The following GTF2H1 variants were observed in gnomAD, a reference collection of about 807,000 sequenced individuals.
GTF2H1 encodes the protein general transcription factor IIH subunit 1, also known as BTF2 p62.
In GTF2H1, 16 loss-of-function variants were observed where a neutral mutation model predicts 71.2. The observed-to-expected ratio is 0.22, with a 90% CI of 0.15 to 0.34. The LOEUF (loss-of-function observed/expected upper bound fraction) is 0.34. Ranked by LOEUF, GTF2H1 falls within the 10% of genes least tolerant of loss-of-function variation. The probability of loss-of-function intolerance (pLI) is 1.00; values close to 1 mark genes in which losing one functional copy is unlikely to be tolerated. For missense variants in GTF2H1, 498 were observed against 648.2 expected, an observed-to-expected ratio of 0.77 and a Z score of 2.52; for synonymous variants, 215 against 219.0, an observed-to-expected ratio of 0.98 and a Z score of 0.16.
At chr11:18,351,394 G>C (rs986419073) in intron 9 of GTF2H1, among the ~76,000 whole-genome samples, 12 of 150,720 alleles carry the variant, frequency 8.0e-5, no homozygotes, top group African/African-American at 2.4e-5. Context: ...CGATTCTCCT[G>C]CCTCAGCCTC....
chr11:18,349,243 A>T (rs1216996271), intron 9 of GTF2H1, among the ~76,000 whole-genome samples: 2 of 152,252 alleles, frequency 1.3e-5, no homozygotes, highest in Non-Finnish European at 2.9e-5. Context: ...TATAAAATTA[A>T]TAAAGCCAGT....
At chr11:18,339,515 ATC>A (rs778230066) in intron 4 of GTF2H1, 47 bp from the exon 5 acceptor site, 1 of 1,319,326 alleles carries the variant, frequency 7.6e-7, no homozygotes, top group Non-Finnish European at 1.1e-6. Context: ...GACCTGAGCC[ATC>A]TTTCCCTGAT....
rs4150558 is a variant in GTF2H1, at chr11:18,332,808, T to A, written c.-15-252T>A. On this transcript the variant is annotated intron_variant, in intron 1 of 14. Transcript: ENST00000265963. ...AAGAATATAACTGAGGAAAATAAAT[T>A]AATAATACTCATTAGCATATAAGTA... 9.5e-3 allele frequency: 2,505 copies of A among 262,994 alleles called. 91 individuals are homozygous for A. Among genetic ancestry groups the A allele is most frequent in the East Asian group, 0.071 (979 of 13,720 alleles). The allele number at this position is 262,994 out of a possible 1,614,324, so 16.3% of individuals were successfully genotyped here.
chr11:18,341,755 A>G, intron 7 of GTF2H1, 148 bp downstream of exon 7: 1 of 546,186 alleles, frequency 1.8e-6, no homozygotes, highest in Non-Finnish European at 3.2e-6. Flanking sequence ...AGTGCTTTGA[A>G]ATAGCGTTGT....
intron 7 of GTF2H1, 65 bp from the exon 8 acceptor site, chr11:18,347,523 A>G: frequency 1.6e-6 from 2 of 1,221,998 alleles, no homozygotes; most frequent in Non-Finnish European, 2.2e-6. Context: ...TTTTCAGCTA[A>G]GCGTGTCTTA....
Position 18,365,790 on chromosome 11 carries a change from G to A in GTF2H1, c.1568G>A (p.Ser523Asn), listed in dbSNP as rs35618575. The A allele has an allele frequency of 3.3e-5, 54 of 1,612,080 alleles. 2 individuals are homozygous for A. In the South Asian group the frequency reaches 5.9e-4, roughly 18 times the overall value. Residue 523 changes from serine to asparagine, a missense_variant, in exon 15 of 15, where the codon AGT (serine) becomes AAT (asparagine). By Grantham distance (46) the Ser-to-Asn change is conservative (BLOSUM62 1). Transcript: ENST00000265963. ...TCTTGCTGTGTTTTTCAGTTGGTAA[G>A]TCACATAGAAGAGATGCTCCAGACA... ...RRQYLSTNLV[S>N]HIEEMLQTAY...
intron 7 of GTF2H1, among the ~76,000 whole-genome samples, chr11:18,344,941 C>A (rs2133972125): frequency 1.3e-5 from 2 of 152,192 alleles, no homozygotes; most frequent in East Asian, 3.9e-4. Context: ...TGGGGTGGCT[C>A]ATGCCTTTAA....
chr11:18,348,233 T>A (rs181993994), intron 9 of GTF2H1: 91 of 411,808 alleles, frequency 2.2e-4, no homozygotes, highest in Admixed American at 6.0e-4. Context: ...AAATCTTCAT[T>A]CAACAGAGGC....
chr11:18,353,437 C>T (rs1305480976), intron 11 of GTF2H1, among the ~76,000 whole-genome samples: 1 of 152,142 alleles, frequency 6.6e-6, no homozygotes, highest in African/African-American at 2.4e-5. Context: ...CCAAGGGTTC[C>T]AGCCTAACAC....
intron 1 of GTF2H1, 44 bp from the exon 2 acceptor site, chr11:18,333,016 A>G: frequency 7.3e-7 from 1 of 1,370,300 alleles, no homozygotes; most frequent in South Asian, 1.4e-5. Flanking sequence ...ACCCTAATTG[A>G]TGTGTGGAAT....
rs562555218 is a variant in GTF2H1, at chr11:18,365,067, T to C, written c.1561-716T>C. Among the ~76,000 whole-genome samples the C allele has an allele frequency of 5.1e-5, 6 of 117,674 alleles. No individual in the cohort carries two copies. The Admixed American group carries it at 5.4e-4, about 11-fold the overall frequency. 77.2% of individuals were successfully genotyped at this position (117,674 alleles called of 152,430 possible). ...CAGCATAGCAAGAGTCCATCTCCACTATTTAAAAAAGAAAAAAAAAAAAAA... is the reference window on the plus strand; with the variant it reads ...CAGCATAGCAAGAGTCCATCTCCACCATTTAAAAAAGAAAAAAAAAAAAAA... On this transcript the variant is annotated intron_variant, in intron 14 of 14. Coordinates refer to ENST00000265963, the MANE Select transcript of GTF2H1 (RefSeq NM_005316.4).
rs1049985704 is a variant in GTF2H1, at chr11:18,366,628, G to A, written c.*759G>A. Reference sequence around the variant, plus strand: ...ATAGGGTTTTTTAATGCAGAATTTTGTCAGAAGACAATGGCGCTGCATGTT... The same window carrying A: ...ATAGGGTTTTTTAATGCAGAATTTTATCAGAAGACAATGGCGCTGCATGTT... On this transcript the variant is annotated 3_prime_UTR_variant, in exon 15 of 15. Coordinates refer to ENST00000265963, the MANE Select transcript of GTF2H1 (RefSeq NM_005316.4). 1 of 152,570 alleles carries A rather than the reference G, an allele frequency of 6.6e-6. No individual in the cohort carries two copies. The highest frequency in any genetic ancestry group is 2.4e-5 in the African/African-American group (1 of 41,436). 9.5% of individuals were successfully genotyped at this position (152,570 alleles called of 1,614,324 possible).
intron 1 of GTF2H1, among the ~76,000 whole-genome samples, chr11:18,324,685 C>T (rs56011901): frequency 2.0e-5 from 3 of 152,344 alleles, no homozygotes; most frequent in Non-Finnish European, 4.4e-5. Context: ...CTTCCTTTCT[C>T]TTTCCTGCCT....
chr11:18,329,375 T>C (rs1864842715), intron 1 of GTF2H1, among the ~76,000 whole-genome samples: 1 of 152,198 alleles, frequency 6.6e-6, no homozygotes, highest in South Asian at 2.1e-4. Flanking sequence ...CTGAAAATGG[T>C]ACCACTGTGC....
intron 14 of GTF2H1, among the ~76,000 whole-genome samples, chr11:18,363,335 A>G: frequency 6.6e-6 from 1 of 152,202 alleles, no homozygotes; most frequent in East Asian, 1.9e-4. Context: ...ATAATTGTAC[A>G]TGCTATACTT....
In GTF2H1 at chr11:18,335,839, C is replaced by T. The variant is rs753960113; in HGVS notation, c.240C>T (p.Ser80=). The T allele has an allele frequency of 1.9e-6, 3 of 1,613,828 alleles. No individual in the cohort carries two copies. The South Asian group carries it at 3.3e-5, about 18-fold the overall frequency. The part of the protein sequence containing the change: ...HAGDTTNFHF[S]NESTAVKERD... Reference sequence around the variant, plus strand: ...GGGACACAACTAACTTCCATTTTTCCAATGAAAGCACAGCAGTGAAAGAGC... The same window carrying T: ...GGGACACAACTAACTTCCATTTTTCTAATGAAAGCACAGCAGTGAAAGAGC... Residue 80 remains serine, a synonymous_variant, in exon 3 of 15, where the codon TCC becomes TCT. Transcript: ENST00000265963.
chr11:18,354,521 T>C (rs1469131259), intron 11 of GTF2H1, among the ~76,000 whole-genome samples: 4 of 152,162 alleles, frequency 2.6e-5, no homozygotes, highest in African/African-American at 9.7e-5. Flanking sequence ...AACCTCAGAC[T>C]CCTAGACTCA....
chr11:18,338,566 C>G (rs1194021122), intron 4 of GTF2H1, among the ~76,000 whole-genome samples: 2 of 152,130 alleles, frequency 1.3e-5, no homozygotes, highest in African/African-American at 2.4e-5. Context: ...GCTTCAGCCT[C>G]TCAAGTAGCT....
In GTF2H1 at chr11:18,335,875, A is replaced by G. The variant is rs748083218; in HGVS notation, c.276A>G (p.Val92=). The change falls in exon 3 of 15, where the codon GTA becomes GTG. Residue 92 remains valine, a synonymous_variant. Coordinates refer to ENST00000265963, the MANE Select transcript of GTF2H1 (RefSeq NM_005316.4). Reference sequence around the variant, plus strand: ...CAGCAGTGAAAGAGCGAGATGCAGTAAAAGACCTTCTTCAGCAGCTGCTGC... The same window carrying G: ...CAGCAGTGAAAGAGCGAGATGCAGTGAAAGACCTTCTTCAGCAGCTGCTGC... The part of the protein sequence containing the change: ...ESTAVKERDA[V]KDLLQQLLPK... 6.2e-6 allele frequency: 10 copies of G among 1,614,024 alleles called. No homozygotes were observed. In the African/African-American group the frequency reaches 8.0e-5, roughly 13 times the overall value.
Sources: gnomAD v4.1 joint callset for allele counts (sites outside exome capture counted in the v4.1 genomes callset) on GRCh38, gnomAD v4.1.1 for gene constraint, MANE v1.5 for transcripts, NCBI Gene and HGNC (gene_info 2026-07-23, HGNC 2026-07-21) for gene names.